DDB1: variants seen among roughly 807,000 people sequenced by gnomAD.
The protein encoded by DDB1 is damage specific DNA binding protein 1, also known as DNA damage-binding protein 1.
A neutral mutation model predicts 133.1 loss-of-function variants in DDB1; 18 were observed. That is an observed-to-expected ratio of 0.14 (90% CI 0.09 to 0.20). DDB1 has a LOEUF of 0.20. Ranked by LOEUF, DDB1 falls within the 10% of genes least tolerant of loss-of-function variation. The pLI, the probability that DDB1 is intolerant of heterozygous loss-of-function variation, is 1.00. For synonymous variants in DDB1, 580 were observed against 550.5 expected (o/e 1.05, Z -0.75); for missense variants, 828 against 1,459.2 (o/e 0.57, Z 7.05).
chr11:61,324,234 T>G, intron 6 of DDB1, 97 bp from the exon 7 acceptor site: 2 of 1,350,336 alleles, frequency 1.5e-6, no homozygotes, highest in South Asian at 2.4e-5. Flanking sequence ...CCCAGCCATT[T>G]TACCAGCAGA....
chr11:61,323,196 A>G, intron 7 of DDB1, 102 bp from the exon 8 acceptor site: 2 of 890,304 alleles, frequency 2.2e-6, no homozygotes, highest in South Asian at 1.4e-5. Context: ...TCCCAACTGC[A>G]GCCATAATTC....
chr11:61,318,142 T>C (rs1321603420), intron 10 of DDB1, among the ~76,000 whole-genome samples: 1 of 152,242 alleles, frequency 6.6e-6, no homozygotes, highest in Non-Finnish European at 1.5e-5. Context: ...TTGAACAATA[T>C]ATGCTTGAAG....
chr11:61,323,774 C>T (rs1856223839), intron 7 of DDB1: 1 of 560,730 alleles, frequency 1.8e-6, no homozygotes, highest in Non-Finnish European at 3.2e-6. Context: ...CCTTTTCTCA[C>T]AGGCTGCTTG....
At chr11:61,330,307 C>T in intron 2 of DDB1, 1 of 389,944 alleles carries the variant, frequency 2.6e-6, no homozygotes, top group Non-Finnish European at 4.6e-6. Context: ...GATTCTCCAT[C>T]TCTCTGTTCT....
intron 21 of DDB1, among the ~76,000 whole-genome samples, chr11:61,308,772 TCTG>T (rs1302150503): frequency 3.3e-5 from 5 of 152,156 alleles, no homozygotes; most frequent in African/African-American, 1.2e-4. Context: ...GCACTCAGGA[TCTG>T]AAACACATGG....
chr11:61,311,861 C>T lies in DDB1; in HGVS notation c.2200G>A (p.Gly734Arg). Reference protein sequence around the residue: ...ICYQEVSQCFGVLSSRIEVQD... With the variant: ...ICYQEVSQCFRVLSSRIEVQD... ...ACTTCAATGCGGCTGGAGAGGACCC[C>T]GAAACACTGGGACACTTCCTGGTAG... Residue 734 changes from glycine (G) to arginine (R), a missense_variant, in exon 18 of 27, where the codon GGG (glycine) becomes AGG (arginine). Around this residue, in one of 7 missense-constraint regions of DDB1, gnomAD observed 396 missense variants for 554.1 expected, o/e 0.71. Transcript: ENST00000301764. 4 of 1,614,148 alleles carry T rather than the reference C, an allele frequency of 2.5e-6. No individual in the cohort carries two copies. Among genetic ancestry groups the T allele is most frequent in the Non-Finnish European group, 3.4e-6 (4 of 1,180,030 alleles).
intron 22 of DDB1, 91 bp downstream of exon 22, chr11:61,303,774 T>A: frequency 1.6e-6 from 2 of 1,271,564 alleles, no homozygotes; most frequent in Admixed American, 2.0e-5. Flanking sequence ...CTGCCCCTAA[T>A]ACTGGGCTGG....
chr11:61,316,946 GATATATATATATATATATAT>G (rs58564398), intron 10 of DDB1, among the ~76,000 whole-genome samples: 790 of 29,072 alleles, frequency 0.027, 38 homozygotes, highest in South Asian at 0.075. Context: ...AAAAAGGATA[GATATATATATATATATATAT>G]ATATATATAT....
At chr11:61,300,782 C>T in intron 26 of DDB1, 27 bp downstream of exon 26, 1 of 1,613,514 alleles carries the variant, frequency 6.2e-7, no homozygotes, top group Non-Finnish European at 8.5e-7. Flanking sequence ...ACTTGTCTGG[C>T]CCAGGGTTAA....
intron 24 of DDB1, 106 bp downstream of exon 24, chr11:61,302,476 T>G (rs1337823306): frequency 4.4e-6 from 7 of 1,576,004 alleles, no homozygotes; most frequent in Non-Finnish European, 5.2e-6. Context: ...TGCAGCCTCC[T>G]CTAGTAAACA....
chr11:61,301,067 T>A, intron 25 of DDB1, 135 bp from the exon 26 acceptor site: 1 of 1,326,526 alleles, frequency 7.5e-7, no homozygotes, highest in South Asian at 1.5e-5. Flanking sequence ...GCCTTGCTTT[T>A]ATTTGGACAT....
rs1855979354 is a variant in DDB1 at position 61,311,904 on chromosome 11, C to T, written c.2166-9G>A. ...CCTGGTAGCAGATCTTCCTGCAGAA[C>T]AAGTACAGAACAACAGTGTCACTTA... On this transcript the variant is annotated splice_polypyrimidine_tract_variant and intron_variant, in intron 17 of 26. Coordinates refer to ENST00000301764, the MANE Select transcript of DDB1 (RefSeq NM_001923.5). 3 of 1,614,042 alleles carry T rather than the reference C, an allele frequency of 1.9e-6. No individual in the cohort carries two copies. The highest frequency in any genetic ancestry group is 3.3e-5 in the Admixed American group (2 of 59,998).
At chr11:61,301,101 A>G in intron 25 of DDB1, 169 bp from the exon 26 acceptor site, 1 of 926,230 alleles carries the variant, frequency 1.1e-6, no homozygotes, top group Non-Finnish European at 1.6e-6. Flanking sequence ...AAAAATGTAA[A>G]AATATGACCT....
At chr11:61,331,394 G>C in intron 2 of DDB1, 149 bp downstream of exon 2, 1 of 1,029,750 alleles carries the variant, frequency 9.7e-7, no homozygotes, top group Non-Finnish European at 1.4e-6. Context: ...TAAAGTGGAG[G>C]GATTGCTTGA....
chr11:61,316,247 A>C, intron 12 of DDB1, 38 bp downstream of exon 12: 1 of 1,575,160 alleles, frequency 6.3e-7, no homozygotes, highest in Non-Finnish European at 8.7e-7. Context: ...AGGTCAATTC[A>C]AGTATATGGT....
At chr11:61,316,086 AAAAT>A in intron 12 of DDB1, 195 bp downstream of exon 12, 1 of 507,002 alleles carries the variant, frequency 2.0e-6, no homozygotes, top group Non-Finnish European at 3.5e-6. Context: ...TTGCAGAAGA[AAAAT>A]AAAGCTAAAA....
intron 20 of DDB1, among the ~76,000 whole-genome samples, chr11:61,309,281 T>G (rs1048318012): frequency 6.6e-6 from 1 of 152,134 alleles, no homozygotes; most frequent in Non-Finnish European, 1.5e-5. Flanking sequence ...CCAGTTGGTA[T>G]CTAGGATCTG....
In DDB1 at chr11:61,302,768, A is replaced by G. The variant is rs748580194; in HGVS notation, c.2943-17T>C. The G allele has an allele frequency of 6.2e-7, 1 of 1,613,800 alleles. No homozygotes were observed. Among genetic ancestry groups the G allele is most frequent in the Non-Finnish European group, 8.5e-7 (1 of 1,179,876 alleles). On this transcript the variant is annotated splice_polypyrimidine_tract_variant and intron_variant, in intron 23 of 26. Coordinates refer to ENST00000301764, the MANE Select transcript of DDB1 (RefSeq NM_001923.5). The stretch of plus-strand genomic sequence containing the variant: ...GTGGCAGCGCTGAAAGGCGGTAAGA[A>G]AGTCACTTTCTGAACCTCCTGTTTC...
Position 61,321,745 on chromosome 11 carries a change from C to T in DDB1, c.1123-48G>A, listed in dbSNP as rs773581111. The T allele has an allele frequency of 4.3e-5, 66 of 1,518,864 alleles. No homozygotes were observed. In the South Asian group the frequency reaches 6.9e-4, roughly 16 times the overall value. 94.1% of individuals were successfully genotyped at this position (1,518,864 alleles called of 1,614,324 possible). A position where few individuals can be genotyped will look rare whatever the true frequency, so the allele number is the denominator to read the frequency against. On this transcript the variant is annotated intron_variant, in intron 9 of 26. Transcript: ENST00000301764. ...TAAAGAACCCCCTCAAGATACTGGG[C>T]CAGTCATACTGATGCCCAGAAAGTA...
Sources: gnomAD v4.1 joint callset for allele counts (sites outside exome capture counted in the v4.1 genomes callset) on GRCh38, gnomAD v4.1.1 for gene constraint, gnomAD v4.1.1 regional missense constraint, MANE v1.5 for transcripts, NCBI Gene and HGNC (gene_info 2026-07-23, HGNC 2026-07-21) for gene names.